Variants in HPN observed in about 807,000 individuals in gnomAD.
HPN encodes serine protease hepsin.
Under a neutral mutation model 55.9 loss-of-function variants are expected in HPN, and 13 were observed. That is an observed-to-expected ratio of 0.23 (90% CI 0.15 to 0.37). The LOEUF is 0.37. Ranked by LOEUF, HPN falls within the 10% of genes least tolerant of loss-of-function variation. The pLI is 1.00. For synonymous variants in HPN, 225 were observed against 240.3 expected (o/e 0.94, Z 0.59); for missense variants, 451 against 575.8 (o/e 0.78, Z 2.22).
At chr19:35,044,656 T>G (rs1180921718) in intron 2 of HPN, among the ~76,000 whole-genome samples, 2 of 152,186 alleles carry the variant, frequency 1.3e-5, no homozygotes, top group Admixed American at 1.3e-4. Context: ...CATGGTTGTC[T>G]GAGAATTGGG....
chr19:35,049,168 G>A (rs2064376714), intron 2 of HPN, 122 bp from the exon 3 acceptor site: 1 of 611,444 alleles, frequency 1.6e-6, no homozygotes, highest in South Asian at 4.0e-5. Context: ...AACTGGGCCT[G>A]GGGAGGACAT....
At chr19:35,048,101 A>T (rs1160483183) in intron 2 of HPN, among the ~76,000 whole-genome samples, 1 of 145,620 alleles carries the variant, frequency 6.9e-6, no homozygotes, top group Non-Finnish European at 1.5e-5. Flanking sequence ...AAGGAAGGAA[A>T]AGAAAAAAAC....
Position 35,049,271 on chromosome 19 carries a change from A to G in HPN, c.17-19A>G. 6.6e-7 allele frequency: 1 copy of G among 1,513,686 alleles called. No homozygotes were observed. Among genetic ancestry groups the G allele is most frequent in the Non-Finnish European group, 8.9e-7 (1 of 1,128,002 alleles). The allele number at this position is 1,513,686 out of a possible 1,614,324, so 93.8% of individuals were successfully genotyped here. On this transcript the variant is annotated intron_variant, in intron 2 of 12. Coordinates refer to ENST00000672452, the MANE Select transcript of HPN (RefSeq NM_001384133.1). ...TGAGGACAGGCCTGGCTGTGGCCCC[A>G]GCATGGTGTCTGTTGCAGGTGGCCG...
intron 9 of HPN, among the ~76,000 whole-genome samples, chr19:35,063,778 G>A (rs2064565331): frequency 6.6e-6 from 1 of 152,234 alleles, no homozygotes; most frequent in Non-Finnish European, 1.5e-5. Flanking sequence ...ACACAGGGCT[G>A]AGGGGGTCAC....
At chr19:35,062,663 G>A (rs925189208) in intron 9 of HPN, among the ~76,000 whole-genome samples, 3 of 152,098 alleles carry the variant, frequency 2.0e-5, no homozygotes, top group East Asian at 1.9e-4. Context: ...TGGGGGTATC[G>A]CTTGAGCTCA....
chr19:35,045,465 G>A (rs1179061472), intron 2 of HPN, among the ~76,000 whole-genome samples: 2 of 152,114 alleles, frequency 1.3e-5, no homozygotes, highest in African/African-American at 2.4e-5. Flanking sequence ...AAGGTGTTAC[G>A]CGTGGGGGTC....
At chr19:35,054,048 G>C (rs572834194) in intron 4 of HPN, among the ~76,000 whole-genome samples, 3 of 152,238 alleles carry the variant, frequency 2.0e-5, no homozygotes, top group Admixed American at 6.5e-5. Context: ...TCCCGGTTTT[G>C]CTGGTTAGCC....
intron 4 of HPN, chr19:35,050,501 CA>C (rs1568357575): frequency 8.5e-6 from 11 of 1,289,076 alleles, no homozygotes; most frequent in Non-Finnish European, 1.1e-5. Context: ...GGGCCAGGAA[CA>C]GCTCTTAGAC....
chr19:35,042,580 C>A lies in HPN; in HGVS notation c.16+58C>A. On this transcript the variant is annotated intron_variant, in intron 2 of 12. Transcript: ENST00000672452. The stretch of plus-strand genomic sequence containing the variant: ...TCTGCCTGGCGCCCCGCCCTCTGTG[C>A]TCTTTTCTCTACCCTCTACTCTTCG... The A allele has an allele frequency of 6.3e-6, 9 of 1,434,492 alleles. No individual in the cohort carries two copies. In the South Asian group the frequency reaches 1.1e-4, roughly 17 times the overall value. The allele number at this position is 1,434,492 out of a possible 1,614,324, so 88.9% of individuals were successfully genotyped here.
intron 4 of HPN, among the ~76,000 whole-genome samples, chr19:35,058,304 C>T (rs1405422539): frequency 6.7e-6 from 1 of 149,384 alleles, no homozygotes. Context: ...CTCAGCCTCC[C>T]GAGTAGCTGG....
At chr19:35,061,225 C>T (rs917999739) in intron 9 of HPN, among the ~76,000 whole-genome samples, 2 of 152,124 alleles carry the variant, frequency 1.3e-5, no homozygotes, top group African/African-American at 2.4e-5. Flanking sequence ...TGACCGGGCG[C>T]GGTGGCTCAT....
At chr19:35,065,786 G>T in intron 11 of HPN, 82 bp from the exon 12 acceptor site, 1 of 1,587,258 alleles carries the variant, frequency 6.3e-7, no homozygotes. Flanking sequence ...GAGGGCTCTG[G>T]GGCCACAGCC....
chr19:35,041,527 C>T (rs572926183), upstream of HPN: 3 of 614,698 alleles, frequency 4.9e-6, no homozygotes, highest in African/African-American at 6.0e-5. Flanking sequence ...AGGCCTGTCC[C>T]TGTTCCCACA....
rs770594847 is a variant in HPN at position 35,065,569 on chromosome 19, G to A, written c.938G>A (p.Arg313Gln). 19 of 1,614,004 alleles carry A rather than the reference G, an allele frequency of 1.2e-5. No individual in the cohort carries two copies. The highest frequency in any genetic ancestry group is 7.7e-5 in the South Asian group (7 of 91,092). ...CAGGCCGGGGTACTCCAGGAGGCTCGAGTCCCCATAATCAGCAATGATGTC... is the reference window on the plus strand; with the variant it reads ...CAGGCCGGGGTACTCCAGGAGGCTCAAGTCCCCATAATCAGCAATGATGTC... The part of the protein sequence containing the change: ...GQQAGVLQEA[R>Q]VPIISNDVCN... Residue 313 changes from arginine to glutamine, a missense_variant, in exon 11 of 13, where the codon CGA becomes CAA. Around this residue, in one of 2 missense-constraint regions of HPN, gnomAD observed 378 missense variants for 445.5 expected, o/e 0.85. Coordinates refer to ENST00000672452, the MANE Select transcript of HPN (RefSeq NM_001384133.1).
Position 35,059,654 on chromosome 19 carries a change from G to T in HPN, c.161-19G>T. The T allele has an allele frequency of 6.3e-7, 1 of 1,583,114 alleles. No individual in the cohort carries two copies. On this transcript the variant is annotated intron_variant, in intron 4 of 12. Transcript: ENST00000672452. ...CTGGCTGTGGGACCCAGGCGGCCCC[G>T]GGCCCTGTCGCCCTGCAGTGCAGGT...
At chr19:35,041,070 T>G (rs1230768186), upstream of HPN, among the ~76,000 whole-genome samples, 2 of 152,214 alleles carry the variant, frequency 1.3e-5, no homozygotes, top group African/African-American at 4.8e-5. Context: ...GTGTGTTATC[T>G]GCCTGCGGAC....
chr19:35,052,852 G>A (rs870379), intron 4 of HPN, among the ~76,000 whole-genome samples: 98,245 of 151,984 alleles, frequency 0.65, 31,992 homozygotes, highest in Middle Eastern at 0.76. Context: ...CAAAACACTG[G>A]GATGAACTAG....
rs894087277 is a variant in HPN at position 35,041,980 on chromosome 19, C to T, written c.-55+108C>T. 3 of 1,193,238 alleles carry T rather than the reference C, an allele frequency of 2.5e-6. No individual in the cohort carries two copies. In the South Asian group the frequency reaches 4.5e-5, roughly 18 times the overall value. 73.9% of individuals were successfully genotyped at this position (1,193,238 alleles called of 1,614,324 possible). A position where few individuals can be genotyped will look rare whatever the true frequency, so the allele number is the denominator to read the frequency against. ...CTCCTAATAGAGGGGTTCCTGGGGA[C>T]CTGAAGAGGGGGCACTATGACGTCC... On this transcript the variant is annotated intron_variant, in intron 1 of 12. Transcript: ENST00000672452.
At chr19:35,054,234 A>C (rs192579849) in intron 4 of HPN, among the ~76,000 whole-genome samples, 7 of 152,306 alleles carry the variant, frequency 4.6e-5, no homozygotes, top group African/African-American at 1.7e-4. Flanking sequence ...CCTGGCCAAC[A>C]TGGTGAAACG....
Sources: gnomAD v4.1 joint callset for allele counts (sites outside exome capture counted in the v4.1 genomes callset) on GRCh38, gnomAD v4.1.1 for gene constraint, gnomAD v4.1.1 regional missense constraint, MANE v1.5 for transcripts, NCBI Gene and HGNC (gene_info 2026-07-23, HGNC 2026-07-21) for gene names.